Variants in KCNJ6 observed in about 807,000 individuals in gnomAD.
The protein encoded by KCNJ6 is G protein-activated inward rectifier potassium channel 2.
Under a neutral mutation model 34.2 loss-of-function variants are expected in KCNJ6, and 9 were observed. That is an observed-to-expected ratio of 0.26 (90% CI 0.16 to 0.46). The LOEUF is 0.46. KCNJ6 is among the 20% of genes least tolerant of loss of function. KCNJ6 has a pLI of 1.00. For synonymous variants in KCNJ6, 196 were observed against 207.1 expected (o/e 0.95, Z 0.46); for missense variants, 236 against 531.3 (o/e 0.44, Z 5.46).
chr21:37,810,261 T>C (rs1462398150), intron 2 of KCNJ6, among the ~76,000 whole-genome samples: 1 of 152,238 alleles, frequency 6.6e-6, no homozygotes, highest in Non-Finnish European at 1.5e-5. Context: ...AATGACTTCA[T>C]GGTATTCCAT....
rs554243743 is a variant in KCNJ6, at chr21:37,668,675, C to T, written c.947-43191G>A. On this transcript the variant is annotated intron_variant, in intron 3 of 3. Transcript: ENST00000609713. ...TGAGCCTGGGTGTGGATGCCGCACC[C>T]GTGCTGGTTGGAGGAAGCTGGCCTG... 3.2e-3 allele frequency among the ~76,000 whole-genome samples: 487 copies of T among 152,272 alleles called. 3 individuals are homozygous for T. The highest frequency in any genetic ancestry group is 0.029 in the South Asian group (141 of 4,822).
At chr21:37,669,577 T>C (rs796258966) in intron 3 of KCNJ6, among the ~76,000 whole-genome samples, 39 of 149,192 alleles carry the variant, frequency 2.6e-4, no homozygotes, top group African/African-American at 8.4e-4. Flanking sequence ...TCTGTGTGTG[T>C]TGTGTGTGTG....
chr21:37,721,374 CA>C (rs2054825377), intron 2 of KCNJ6, among the ~76,000 whole-genome samples: 1 of 152,164 alleles, frequency 6.6e-6, no homozygotes, highest in Non-Finnish European at 1.5e-5. Flanking sequence ...CTTAGTCCCT[CA>C]AAAAGTTAAA....
chr21:37,800,756 C>A (rs1219244584), intron 2 of KCNJ6, among the ~76,000 whole-genome samples: 1 of 152,176 alleles, frequency 6.6e-6, no homozygotes, highest in Admixed American at 6.5e-5. Context: ...GGAATGAGTT[C>A]GTCTCTACTA....
intron 2 of KCNJ6, among the ~76,000 whole-genome samples, chr21:37,777,572 A>AT (rs2055148308): frequency 6.6e-6 from 1 of 152,122 alleles, no homozygotes; most frequent in African/African-American, 2.4e-5. Flanking sequence ...CTTGGCTAGT[A>AT]TTTTTTTAAT....
intron 2 of KCNJ6, among the ~76,000 whole-genome samples, chr21:37,813,030 A>T (rs2055330346): frequency 6.6e-6 from 1 of 152,224 alleles, no homozygotes; most frequent in Non-Finnish European, 1.5e-5. Context: ...AGGCTCCACC[A>T]AAAAGTTATT....
intron 3 of KCNJ6, among the ~76,000 whole-genome samples, chr21:37,696,665 C>T (rs1483917354): frequency 6.6e-6 from 1 of 152,094 alleles, no homozygotes; most frequent in African/African-American, 2.4e-5. Flanking sequence ...GCAGATGCTA[C>T]TATATCAGAT....
At chr21:37,819,123 G>A (rs1465783900) in intron 2 of KCNJ6, among the ~76,000 whole-genome samples, 2 of 152,122 alleles carry the variant, frequency 1.3e-5, no homozygotes, top group Admixed American at 6.5e-5. Context: ...TTGGCCTTGG[G>A]TAGTTATTAC....
chr21:37,739,669 C>G lies in KCNJ6; in HGVS notation c.26-24538G>C, dbSNP rs73904426. ...TGAGTGCTATGCAAGCTCGTGTCAG[C>G]TTTCTGCACACCACTAATAACCCAA... On this transcript the variant is annotated intron_variant, in intron 2 of 3. Transcript: ENST00000609713. Among the ~76,000 whole-genome samples the G allele has an allele frequency of 1.7e-3, 262 of 152,172 alleles. 1 individual carries two copies. Among genetic ancestry groups the G allele is most frequent in the African/African-American group, 6.0e-3 (248 of 41,494 alleles).
intron 2 of KCNJ6, among the ~76,000 whole-genome samples, chr21:37,738,624 T>C (rs1244977885): frequency 2.6e-5 from 4 of 152,222 alleles, no homozygotes; most frequent in Non-Finnish European, 1.5e-5. Flanking sequence ...TTGGCTCATA[T>C]CATAAATTCA....
At chr21:37,798,545 G>C (rs1397472901) in intron 2 of KCNJ6, among the ~76,000 whole-genome samples, 2 of 152,204 alleles carry the variant, frequency 1.3e-5, no homozygotes, top group South Asian at 4.1e-4. Context: ...CCGATCAGTG[G>C]ATAAACAAAA....
chr21:37,726,527 C>A (rs1240216948), intron 2 of KCNJ6, among the ~76,000 whole-genome samples: 1 of 152,132 alleles, frequency 6.6e-6, no homozygotes, highest in Non-Finnish European at 1.5e-5. Context: ...TTAAGAGAAG[C>A]AGCAGCATAA....
At chr21:37,902,776 C>A (rs919952311) in intron 1 of KCNJ6, among the ~76,000 whole-genome samples, 3 of 152,186 alleles carry the variant, frequency 2.0e-5, no homozygotes, top group Non-Finnish European at 1.5e-5. Context: ...AGCCTGAGAA[C>A]ATGACTTTGC....
At chr21:37,772,730 C>T (rs888851869) in intron 2 of KCNJ6, among the ~76,000 whole-genome samples, 8 of 152,084 alleles carry the variant, frequency 5.3e-5, no homozygotes, top group Admixed American at 1.3e-4. Flanking sequence ...GCTTTCTTAC[C>T]GTGTTTACTT....
Position 37,761,492 on chromosome 21 carries a change from TTGTG to T in KCNJ6, c.26-46365_26-46362del, listed in dbSNP as rs367558185. On this transcript the variant is annotated intron_variant, in intron 2 of 3. Transcript: ENST00000609713. ...GTTTGTGTGTATATTTGCGTGTGTG[TTGTG>T]TGTATGTAGTGCATGTGTATATTTG... Among the ~76,000 whole-genome samples, 216 of 148,714 alleles carry T rather than the reference TTGTG, an allele frequency of 1.5e-3. 1 individual carries two copies. Among genetic ancestry groups the T allele is most frequent in the African/African-American group, 4.6e-3 (181 of 39,580 alleles).
At chr21:37,725,605 A>T (rs897046698) in intron 2 of KCNJ6, among the ~76,000 whole-genome samples, 1 of 152,214 alleles carries the variant, frequency 6.6e-6, no homozygotes, top group South Asian at 2.1e-4. Context: ...GAAGGGTAAG[A>T]GTAGGTATCA....
chr21:37,881,342 C>T (rs1348061221), intron 1 of KCNJ6, among the ~76,000 whole-genome samples: 1 of 152,182 alleles, frequency 6.6e-6, no homozygotes, highest in Admixed American at 6.5e-5. Context: ...TTATTTCTCA[C>T]AGCTCTGGAG....
intron 2 of KCNJ6, among the ~76,000 whole-genome samples, chr21:37,799,692 G>A (rs763778718): frequency 1.3e-5 from 2 of 152,072 alleles, no homozygotes; most frequent in Non-Finnish European, 2.9e-5. Context: ...AAGTTCTCTC[G>A]AAATGTTTGA....
intron 3 of KCNJ6, among the ~76,000 whole-genome samples, chr21:37,638,466 A>AAC (rs2054367447): frequency 6.6e-6 from 1 of 152,212 alleles, no homozygotes. Flanking sequence ...GATCTTTATA[A>AAC]CTGCTATAGT....
Sources: allele counts gnomAD v4.1 joint callset (sites outside exome capture counted in the v4.1 genomes callset), GRCh38; gene constraint gnomAD v4.1.1; transcripts MANE v1.5; gene names NCBI Gene and HGNC (gene_info 2026-07-23, HGNC 2026-07-21).